CNBD1: variants seen among roughly 807,000 people sequenced by gnomAD.
CNBD1 encodes cyclic nucleotide-binding domain-containing protein 1.
A neutral mutation model predicts 54.4 loss-of-function variants in CNBD1; 71 were observed. The observed-to-expected ratio is 1.30, with a 90% CI of 1.08 to 1.59. The LOEUF (loss-of-function observed/expected upper bound fraction) is 1.59, where lower values mean the gene tolerates loss of function less well. CNBD1 is among the 40% of genes most tolerant of loss of function. The probability of loss-of-function intolerance (pLI) is 0.00; values close to 1 mark genes in which losing one functional copy is unlikely to be tolerated. For missense variants in CNBD1, 659 were observed against 518.0 expected (o/e 1.27, Z -2.64); for synonymous variants, 182 against 170.7 (o/e 1.07, Z -0.51).
intron 1 of CNBD1, among the ~76,000 whole-genome samples, chr8:86,870,608 C>T (rs915861855): frequency 6.6e-6 from 1 of 152,024 alleles, no homozygotes; most frequent in South Asian, 2.1e-4. Flanking sequence ...CGTTCAAAGG[C>T]GTTTTCTATA....
intron 4 of CNBD1, among the ~76,000 whole-genome samples, chr8:86,976,824 TATAA>T (rs1305935149): frequency 6.6e-6 from 1 of 152,024 alleles, no homozygotes; most frequent in Non-Finnish European, 1.5e-5. Context: ...TAAGTTCTTT[TATAA>T]ATAGTTTTTA....
intron 10 of CNBD1, among the ~76,000 whole-genome samples, chr8:87,382,307 A>T (rs1221448920): frequency 6.6e-6 from 1 of 151,934 alleles, no homozygotes; most frequent in Non-Finnish European, 1.5e-5. Flanking sequence ...GAAAATAATT[A>T]TCAATTTAAA....
At chr8:87,105,370 A>T (rs1217809181) in intron 4 of CNBD1, among the ~76,000 whole-genome samples, 2 of 152,210 alleles carry the variant, frequency 1.3e-5, no homozygotes, top group Non-Finnish European at 2.9e-5. Context: ...ACTTTATTGG[A>T]CACAAAATAT....
intron 2 of CNBD1, among the ~76,000 whole-genome samples, chr8:87,399,417 A>G (rs541116439): frequency 6.6e-6 from 1 of 152,012 alleles, no homozygotes; most frequent in African/African-American, 2.4e-5. Context: ...TGTGAACATT[A>G]TGAAGGAAAT....
At chr8:86,952,294 A>T (rs964833541) in intron 4 of CNBD1, among the ~76,000 whole-genome samples, 1 of 152,098 alleles carries the variant, frequency 6.6e-6, no homozygotes, top group Non-Finnish European at 1.5e-5. Context: ...GGCAAAATAA[A>T]CTTTCTAAAT....
chr8:87,292,219 C>T (rs1382207901), intron 8 of CNBD1, among the ~76,000 whole-genome samples: 1 of 152,068 alleles, frequency 6.6e-6, no homozygotes, highest in Non-Finnish European at 1.5e-5. Context: ...AATAAATCAA[C>T]CATTAATAAT....
chr8:87,193,114 T>C (rs987043009), intron 4 of CNBD1, among the ~76,000 whole-genome samples: 3 of 152,016 alleles, frequency 2.0e-5, no homozygotes, highest in Admixed American at 1.3e-4. Context: ...TCAATGAAAA[T>C]AGAAAATTAA....
intron 4 of CNBD1, among the ~76,000 whole-genome samples, chr8:87,183,280 C>A (rs1184611605): frequency 1.3e-5 from 2 of 151,768 alleles, no homozygotes; most frequent in African/African-American, 2.4e-5. Flanking sequence ...TATATCAGTA[C>A]CATGCTGTTT....
At chr8:87,425,346 G>C (rs919803273) in intron 2 of CNBD1, among the ~76,000 whole-genome samples, 42 of 152,148 alleles carry the variant, frequency 2.8e-4, no homozygotes, top group Non-Finnish European at 5.3e-4. Context: ...GTCCAGCTTT[G>C]TTCCGTTGCT....
chr8:86,939,765 A>G lies in CNBD1; in HGVS notation c.431+11A>G. 5 of 1,452,896 alleles carry G rather than the reference A, an allele frequency of 3.4e-6. No individual in the cohort carries two copies. In the South Asian group the frequency reaches 6.3e-5, roughly 18 times the overall value. 90.0% of individuals were successfully genotyped at this position (1,452,896 alleles called of 1,614,324 possible). A position where few individuals can be genotyped will look rare whatever the true frequency, so the allele number is the denominator to read the frequency against. On this transcript the variant is annotated intron_variant, in intron 4 of 10. Transcript: ENST00000518476. ...TATCTTAAAGAAATTGTAAGTATTT[A>G]AAATATATTCCTTCTTCTAATTGAG...
At chr8:87,220,905 G>A (rs1814319632) in intron 5 of CNBD1, among the ~76,000 whole-genome samples, 1 of 151,982 alleles carries the variant, frequency 6.6e-6, no homozygotes, top group African/African-American at 2.4e-5. Context: ...TATCATCCCA[G>A]TGTTACATGA....
intron 2 of CNBD1, among the ~76,000 whole-genome samples, chr8:86,903,803 A>G (rs557828830): frequency 6.6e-6 from 1 of 152,150 alleles, no homozygotes; most frequent in Non-Finnish European, 1.5e-5. Flanking sequence ...TATAACAAGT[A>G]TCCAGTGAAA....
At chr8:86,951,294 A>C (rs1807612078) in intron 4 of CNBD1, among the ~76,000 whole-genome samples, 1 of 152,118 alleles carries the variant, frequency 6.6e-6, no homozygotes, top group South Asian at 2.1e-4. Flanking sequence ...TTTTGGCAAG[A>C]ATATAATAGA....
chr8:86,930,736 A>C (rs1253313148), intron 3 of CNBD1, among the ~76,000 whole-genome samples: 3 of 152,214 alleles, frequency 2.0e-5, no homozygotes, highest in African/African-American at 7.2e-5. Context: ...ACTAGTCTCC[A>C]TTGACTGTTC....
intron 4 of CNBD1, among the ~76,000 whole-genome samples, chr8:87,189,149 G>T (rs1813545941): frequency 6.6e-6 from 1 of 152,168 alleles, no homozygotes; most frequent in Non-Finnish European, 1.5e-5. Flanking sequence ...TATGGCTGCT[G>T]AGTGTGTTCA....
At chr8:87,240,065 AACACACACACACACAC>A (rs10608912) in intron 6 of CNBD1, among the ~76,000 whole-genome samples, 1 of 146,520 alleles carries the variant, frequency 6.8e-6, no homozygotes, top group Admixed American at 6.8e-5. Flanking sequence ...TCTGTGCCAA[AACACACACACACACAC>A]ACACACACAC....
At chr8:86,972,410 G>C (rs1222648015) in intron 4 of CNBD1, among the ~76,000 whole-genome samples, 1 of 152,106 alleles carries the variant, frequency 6.6e-6, no homozygotes, top group Non-Finnish European at 1.5e-5. Context: ...AAGCATACTT[G>C]TCAAAAAGTC....
intron 4 of CNBD1, among the ~76,000 whole-genome samples, chr8:87,107,800 G>C (rs910724194): frequency 5.3e-5 from 8 of 152,278 alleles, no homozygotes; most frequent in African/African-American, 1.9e-4. Context: ...ACTTAGAACT[G>C]ATCTCCTGGG....
intron 4 of CNBD1, among the ~76,000 whole-genome samples, chr8:86,965,064 TACC>T (rs1377016144): frequency 1.3e-5 from 2 of 152,220 alleles, no homozygotes; most frequent in African/African-American, 4.8e-5. Flanking sequence ...TACATACAGA[TACC>T]AAGACATACT....
Sources: allele counts gnomAD v4.1 joint callset (sites outside exome capture counted in the v4.1 genomes callset), GRCh38; gene constraint gnomAD v4.1.1; transcripts MANE v1.5; gene names NCBI Gene and HGNC (gene_info 2026-07-23, HGNC 2026-07-21).